ERVFRD-1: variants seen among roughly 807,000 people sequenced by gnomAD.
The protein encoded by ERVFRD-1 is syncytin-2.
Under a neutral mutation model 43.8 loss-of-function variants are expected in ERVFRD-1, and 33 were observed. That is an observed-to-expected ratio of 0.75 (90% CI 0.57 to 1.01). ERVFRD-1 has a LOEUF of 1.01. ERVFRD-1 is among the 50% of genes least tolerant of loss of function. ERVFRD-1 has a pLI of 0.00. For synonymous variants in ERVFRD-1, 239 were observed against 244.4 expected, an observed-to-expected ratio of 0.98 and a Z score of 0.21; for missense variants, 568 against 658.4, an observed-to-expected ratio of 0.86 and a Z score of 1.50.
intron 1 of ERVFRD-1, among the ~76,000 whole-genome samples, chr6:11,106,820 C>G (rs1758090688): frequency 6.6e-6 from 1 of 152,234 alleles, no homozygotes; most frequent in African/African-American, 2.4e-5. Context: ...GGCAAATGAA[C>G]AGCTTCTAAT....
Position 11,104,031 on chromosome 6 carries a change from T to A in ERVFRD-1, c.1280A>T (p.Gln427Leu). 1 of 1,551,738 alleles carries A rather than the reference T, an allele frequency of 6.4e-7. No homozygotes were observed. Among genetic ancestry groups the A allele is most frequent in the Non-Finnish European group, 8.7e-7 (1 of 1,146,998 alleles). ...RRGLDMLTAAQGGICLALDEK... is the reference protein window; with the variant it reads ...RRGLDMLTAALGGICLALDEK... Reference sequence around the variant, plus strand: ...ATCTAAGGCCAAACAAATTCCTCCCTGTGCTGCCGTTAACATGTCTAGTCC... The same window carrying A: ...ATCTAAGGCCAAACAAATTCCTCCCAGTGCTGCCGTTAACATGTCTAGTCC... The change falls in exon 2 of 2, where the codon CAG becomes CTG. Residue 427 changes from glutamine to leucine, a missense_variant. Coordinates refer to ENST00000472091, the MANE Select transcript of ERVFRD-1 (RefSeq NM_207582.3).
chr6:11,109,947 C>T (rs560819890), intron 1 of ERVFRD-1, among the ~76,000 whole-genome samples: 4 of 152,236 alleles, frequency 2.6e-5, no homozygotes, highest in African/African-American at 7.2e-5. Context: ...GGGCATTACC[C>T]CATTCATCCA....
At position 11,104,478 on chromosome 6, in the gene ERVFRD-1, G is replaced by A; in HGVS notation, c.833C>T (p.Thr278Ile). Residue 278 changes from threonine to isoleucine, a missense_variant, in exon 2 of 2, where the codon ACC becomes ATC. Physicochemically the swap from Thr to Ile is moderately conservative, Grantham distance 89. Coordinates refer to ENST00000472091, the MANE Select transcript of ERVFRD-1 (RefSeq NM_207582.3). Reference protein sequence around the residue: ...GISAVSEFFGTSLTPLFHFHI... With the variant: ...GISAVSEFFGISLTPLFHFHI... ...GAAATGAAATAAGGGGGTGAGGGAGGTTCCAAAAAATTCTGAGACTGCTGA... is the reference window on the plus strand; with the variant it reads ...GAAATGAAATAAGGGGGTGAGGGAGATTCCAAAAAATTCTGAGACTGCTGA... 1 of 1,553,040 alleles carries A rather than the reference G, an allele frequency of 6.4e-7. No individual in the cohort carries two copies. The highest frequency in any genetic ancestry group is 8.7e-7 in the Non-Finnish European group (1 of 1,147,618).
In ERVFRD-1 at chr6:11,105,305, G is replaced by A. The variant is rs1368952915; in HGVS notation, c.6C>T (p.Gly2=). Residue 2 remains glycine (G), a synonymous_variant, in exon 2 of 2, where the codon GGC becomes GGT. Transcript: ENST00000472091. The stretch of plus-strand genomic sequence containing the variant: ...TGAGAATGAGAACCAGCAGGAGCAG[G>A]CCCATGGTGACCTAAGAGAAACTGG... The part of the protein sequence containing the change: M[G]LLLLVLILTP... 3.1e-6 allele frequency: 5 copies of A among 1,610,512 alleles called. No individual in the cohort carries two copies. The highest frequency in any genetic ancestry group is 2.7e-5 in the African/African-American group (2 of 74,756).
At position 11,105,547 on chromosome 6, in the gene ERVFRD-1, G is replaced by A. The variant is rs1341957308; in HGVS notation, c.-237C>T. ...GTGTATTCCGGAGCTGAGGTTGCTG[G>A]TTCTGGCTCTGGAGTTTAAGGGCTT... On this transcript the variant is annotated 5_prime_UTR_variant, in exon 2 of 2. Transcript: ENST00000472091. The A allele has an allele frequency of 1.9e-5, 9 of 473,984 alleles. No individual in the cohort carries two copies. The East Asian group carries it at 3.4e-4, about 18-fold the overall frequency. The allele number at this position is 473,984 out of a possible 1,614,324, so 29.4% of individuals were successfully genotyped here.
intron 1 of ERVFRD-1, among the ~76,000 whole-genome samples, chr6:11,109,860 G>A (rs1289622465): frequency 6.6e-6 from 1 of 152,136 alleles, no homozygotes; most frequent in Non-Finnish European, 1.5e-5. Context: ...GAACAGAGGA[G>A]AGAAGAGAAA....
rs1758052055 is a variant in ERVFRD-1, at chr6:11,104,470, T to C, written c.841A>G (p.Thr281Ala). The C allele has an allele frequency of 1.3e-6, 2 of 1,551,866 alleles. No homozygotes were observed. Among genetic ancestry groups the C allele is most frequent in the Non-Finnish European group, 1.7e-6 (2 of 1,147,220 alleles). Residue 281 changes from threonine (T) to alanine (A), a missense_variant, in exon 2 of 2, where the codon ACC becomes GCC. Transcript: ENST00000472091. ...GAGATATGGAAATGAAATAAGGGGGTGAGGGAGGTTCCAAAAAATTCTGAG... is the reference window on the plus strand; with the variant it reads ...GAGATATGGAAATGAAATAAGGGGGCGAGGGAGGTTCCAAAAAATTCTGAG... Reference protein sequence around the residue: ...AVSEFFGTSLTPLFHFHISTC... With the variant: ...AVSEFFGTSLAPLFHFHISTC...
chr6:11,103,721 A>T lies in ERVFRD-1; in HGVS notation c.1590T>A (p.Pro530=). ...LQTNLSAGRH[P]RNIQESPF is the part of the protein sequence containing the mutation. ...AGAAGGGTGACTCTTGAATATTGCG[A>T]GGATGGCGTCCTGCACTGAGATTCG... The change falls in exon 2 of 2, where the codon CCT becomes CCA. Residue 530 remains proline (P), a synonymous_variant. Coordinates refer to ENST00000472091, the MANE Select transcript of ERVFRD-1 (RefSeq NM_207582.3). 1 of 1,551,420 alleles carries T rather than the reference A, an allele frequency of 6.4e-7. No individual in the cohort carries two copies. Among genetic ancestry groups the T allele is most frequent in the Non-Finnish European group, 8.7e-7 (1 of 1,146,870 alleles).
intron 1 of ERVFRD-1, among the ~76,000 whole-genome samples, chr6:11,109,071 A>AT (rs1758132250): frequency 6.6e-6 from 1 of 152,172 alleles, no homozygotes; most frequent in South Asian, 2.1e-4. Context: ...CTGGGGAACT[A>AT]TGGTGGCCCC....
Position 11,103,782 on chromosome 6 carries a change from A to G in ERVFRD-1, c.1529T>C (p.Phe510Ser), listed in dbSNP as rs1306750797. ...TATGGCCTGAAGGCGAGAGGAGACA[A>G]ATTGGGTTATTAGATTTAGGAGACA... The part of the protein sequence containing the change: ...GPCLLNLITQ[F>S]VSSRLQAIKL... Residue 510 changes from phenylalanine (F) to serine (S), a missense_variant, in exon 2 of 2, where the codon TTT becomes TCT. Transcript: ENST00000472091. 6.4e-7 allele frequency: 1 copy of G among 1,551,690 alleles called. No homozygotes were observed. The highest frequency in any genetic ancestry group is 2.4e-5 in the East Asian group (1 of 40,920).
chr6:11,104,340 G>A lies in ERVFRD-1; in HGVS notation c.971C>T (p.Pro324Leu), dbSNP rs1198182498. Residue 324 changes from proline (P) to leucine (L), a missense_variant, in exon 2 of 2, where the codon CCA (proline) becomes CTA (leucine). By Grantham distance (98) the Pro-to-Leu change is moderately conservative. Transcript: ENST00000472091. ...ATTGCCAGGGGCTATGAAGATGTCT[G>A]GGGTTACATAGCCTATGGTACAAGT... ...TGTCTIGYVT[P>L]DIFIAPGNLS... The A allele has an allele frequency of 9.0e-6, 14 of 1,551,598 alleles. No homozygotes were observed. The highest frequency in any genetic ancestry group is 1.4e-5 in the African/African-American group (1 of 73,052).
chr6:11,105,274 A>C lies in ERVFRD-1; in HGVS notation c.37T>G (p.Ser13Ala). The C allele has an allele frequency of 6.2e-7, 1 of 1,613,996 alleles. No individual in the cohort carries two copies. Among genetic ancestry groups the C allele is most frequent in the South Asian group, 1.1e-5 (1 of 91,076 alleles). ...LLLLVLILTPSLAAYRHPDFP... is the reference protein window; with the variant it reads ...LLLLVLILTPALAAYRHPDFP... ...TCAGGATGGCGGTAGGCTGCTAGTG[A>C]AGGCGTGAGAATGAGAACCAGCAGG... Residue 13 changes from serine (S) to alanine (A), a missense_variant, in exon 2 of 2, where the codon TCA becomes GCA. Physicochemically the swap from Ser to Ala is moderately conservative, Grantham distance 99. Coordinates refer to ENST00000472091, the MANE Select transcript of ERVFRD-1 (RefSeq NM_207582.3).
chr6:11,104,908 T>C lies in ERVFRD-1; in HGVS notation c.403A>G (p.Thr135Ala). 1 of 1,614,230 alleles carries C rather than the reference T, an allele frequency of 6.2e-7. No individual in the cohort carries two copies. Reference sequence around the variant, plus strand: ...GTACTTGGAAGAGTGCCTACATTTGTTCCATTTTTCCTTTTGGCCATAACA... The same window carrying C: ...GTACTTGGAAGAGTGCCTACATTTGCTCCATTTTTCCTTTTGGCCATAACA... The part of the protein sequence containing the change: ...ICVMAKRKNG[T>A]NVGTLPSTVC... Residue 135 changes from threonine to alanine, a missense_variant, in exon 2 of 2, where the codon ACA (threonine) becomes GCA (alanine). Coordinates refer to ENST00000472091, the MANE Select transcript of ERVFRD-1 (RefSeq NM_207582.3).
At chr6:11,109,963 C>G (rs145980604) in intron 1 of ERVFRD-1, among the ~76,000 whole-genome samples, 2 of 152,280 alleles carry the variant, frequency 1.3e-5, no homozygotes, top group African/African-American at 4.8e-5. Flanking sequence ...ATCCATTTTT[C>G]CTTTGCGTAT....
At chr6:11,108,179 A>G (rs549204585) in intron 1 of ERVFRD-1, among the ~76,000 whole-genome samples, 24 of 152,368 alleles carry the variant, frequency 1.6e-4, no homozygotes, top group Non-Finnish European at 3.4e-4. Context: ...CCCCAGAGAC[A>G]GCACAGAGGA....
At chr6:11,111,226 G>A (rs1348842146) in intron 1 of ERVFRD-1, among the ~76,000 whole-genome samples, 1 of 152,154 alleles carries the variant, frequency 6.6e-6, no homozygotes, top group African/African-American at 2.4e-5. Context: ...AAAGTTGCAG[G>A]GCATGCAAAG....
rs762706096 is a variant in ERVFRD-1 at position 11,104,570 on chromosome 6, G to C, written c.741C>G (p.Asn247Lys). The C allele has an allele frequency of 4.4e-6, 7 of 1,609,050 alleles. No homozygotes were observed. Among genetic ancestry groups the C allele is most frequent in the Non-Finnish European group, 5.9e-6 (7 of 1,177,274 alleles). ...CTTGGACGCAGGGTGTTTGGCTCTGGTTAGCTCCCTTGGTTTTATTTTCCC... is the reference window on the plus strand; with the variant it reads ...CTTGGACGCAGGGTGTTTGGCTCTGCTTAGCTCCCTTGGTTTTATTTTCCC... ...LFWENKTKGA[N>K]QSQTPCVQVL... is the part of the protein sequence containing the mutation. Residue 247 changes from asparagine (N) to lysine (K), a missense_variant, in exon 2 of 2, where the codon AAC becomes AAG. By Grantham distance (94) the Asn-to-Lys change is moderately conservative. Transcript: ENST00000472091.
chr6:11,104,269 C>T lies in ERVFRD-1; in HGVS notation c.1042G>A (p.Val348Met), dbSNP rs1219420148. 6.4e-7 allele frequency: 1 copy of T among 1,551,676 alleles called. No individual in the cohort carries two copies. The highest frequency in any genetic ancestry group is 1.2e-5 in the South Asian group (1 of 84,062). Residue 348 changes from valine to methionine, a missense_variant, in exon 2 of 2, where the codon GTG (valine) becomes ATG (methionine). By Grantham distance (21) the Val-to-Met change is conservative (BLOSUM62 1). Transcript: ENST00000472091. ...PIYGNSPLPR[V>M]RRAIHFIPLL... ...GGAATGAAATGGATTGCCCTCCTCA[C>T]CCTGGGCAACGGGGAATTCCCATAG...
At chr6:11,109,060 CCTGGGGAACTATGGTGGCCCCCA>C (rs1379143015) in intron 1 of ERVFRD-1, among the ~76,000 whole-genome samples, 1 of 152,144 alleles carries the variant, frequency 6.6e-6, no homozygotes, top group Non-Finnish European at 1.5e-5. Flanking sequence ...TTGGGGTTGA[CCTGGGGAACTATGGTGGCCCCCA>C]CAGGGTAGCC....
Sources: allele counts gnomAD v4.1 joint callset (sites outside exome capture counted in the v4.1 genomes callset), GRCh38; gene constraint gnomAD v4.1.1; transcripts MANE v1.5; gene names NCBI Gene and HGNC (gene_info 2026-07-23, HGNC 2026-07-21).